The following KCNH1 variants were observed in gnomAD, a reference collection of about 807,000 sequenced individuals.
KCNH1 encodes voltage-gated delayed rectifier potassium channel KCNH1.
In KCNH1, 27 loss-of-function variants were observed where a neutral mutation model predicts 69.2. The observed-to-expected ratio is 0.39, with a 90% CI of 0.29 to 0.54. The LOEUF (loss-of-function observed/expected upper bound fraction) is 0.54. Among genes scored for constraint, KCNH1 ranks in the 20% least tolerant of loss-of-function variants. The pLI, the probability that KCNH1 is intolerant of heterozygous loss-of-function variation, is 0.68. For missense variants in KCNH1, 798 were observed against 1,261.6 expected (o/e 0.63, Z 5.57); for synonymous variants, 456 against 487.7 (o/e 0.93, Z 0.86).
At chr1:210,713,287 G>C (rs965003259) in intron 10 of KCNH1, among the ~76,000 whole-genome samples, 3 of 152,176 alleles carry the variant, frequency 2.0e-5, no homozygotes, top group Non-Finnish European at 4.4e-5. Flanking sequence ...TCTGAGTCTG[G>C]TAAAGGCCAA....
chr1:210,989,703 G>T (rs1460273984), intron 6 of KCNH1, among the ~76,000 whole-genome samples: 3 of 152,194 alleles, frequency 2.0e-5, no homozygotes, highest in African/African-American at 7.2e-5. Context: ...AGATTCAAAT[G>T]CAGTGAAAAC....
intron 9 of KCNH1, among the ~76,000 whole-genome samples, chr1:210,783,102 A>G (rs1162622980): frequency 6.6e-6 from 1 of 152,222 alleles, no homozygotes; most frequent in African/African-American, 2.4e-5. Flanking sequence ...AATCTTCCCA[A>G]CAGCACTGTG....
chr1:210,967,231 G>A (rs1188978855), intron 6 of KCNH1, among the ~76,000 whole-genome samples: 1 of 152,082 alleles, frequency 6.6e-6, no homozygotes, highest in Non-Finnish European at 1.5e-5. Context: ...TAGATCATGG[G>A]CTGATGGGTG....
chr1:210,976,834 A>G (rs1688621831), intron 6 of KCNH1, among the ~76,000 whole-genome samples: 1 of 148,820 alleles, frequency 6.7e-6, no homozygotes, highest in Non-Finnish European at 1.5e-5. Flanking sequence ...GTGGAGAAAT[A>G]GGAACACTTT....
chr1:210,989,369 G>A (rs1287019694), intron 6 of KCNH1, among the ~76,000 whole-genome samples: 2 of 152,162 alleles, frequency 1.3e-5, no homozygotes, highest in East Asian at 3.9e-4. Context: ...GAGTTTTCTT[G>A]TTATAGCCAC....
chr1:211,019,800 A>G (rs540496491), intron 5 of KCNH1, among the ~76,000 whole-genome samples: 1 of 152,366 alleles, frequency 6.6e-6, no homozygotes, highest in Admixed American at 6.5e-5. Context: ...ATTCATATCA[A>G]GAATCTTTCC....
chr1:211,006,251 A>C (rs1197256800), intron 6 of KCNH1, among the ~76,000 whole-genome samples: 2 of 152,194 alleles, frequency 1.3e-5, no homozygotes, highest in Non-Finnish European at 2.9e-5. Flanking sequence ...TTTCTAACAG[A>C]AATCAGGGTA....
At chr1:210,764,432 A>G (rs2102355484) in intron 10 of KCNH1, among the ~76,000 whole-genome samples, 1 of 152,214 alleles carries the variant, frequency 6.6e-6, no homozygotes, top group East Asian at 1.9e-4. Flanking sequence ...TAAACAGACA[A>G]TCTACTGGAT....
chr1:211,093,349 G>A lies in KCNH1; in HGVS notation c.311-2659C>T, dbSNP rs553081042. On this transcript the variant is annotated intron_variant, in intron 3 of 10. Coordinates refer to ENST00000271751, the MANE Select transcript of KCNH1 (RefSeq NM_172362.3). ...TGTCTCTCTGTCACCCAGGCTGCAC[G>A]ATCTCGGCTCACTGCAACCTCCACA... Among the ~76,000 whole-genome samples the A allele has an allele frequency of 7.2e-5, 11 of 152,266 alleles. No individual in the cohort carries two copies. In the South Asian group the frequency reaches 1.9e-3, roughly 26 times the overall value.
intron 10 of KCNH1, among the ~76,000 whole-genome samples, chr1:210,708,833 T>C (rs1013396477): frequency 6.6e-6 from 1 of 152,106 alleles, no homozygotes; most frequent in Non-Finnish European, 1.5e-5. Flanking sequence ...AGACCCTAAC[T>C]CCTCCAACCA....
At chr1:211,064,582 C>A (rs892564435) in intron 5 of KCNH1, among the ~76,000 whole-genome samples, 3 of 151,592 alleles carry the variant, frequency 2.0e-5, no homozygotes, top group African/African-American at 7.3e-5. Flanking sequence ...AAAAATCAAG[C>A]GAATTTTAAA....
At chr1:210,924,922 G>T (rs985033887) in intron 6 of KCNH1, among the ~76,000 whole-genome samples, 1 of 151,052 alleles carries the variant, frequency 6.6e-6, no homozygotes, top group African/African-American at 2.4e-5. Context: ...AAAAAAATTT[G>T]GAGACTACAC....
At chr1:211,093,769 A>G (rs185393477) in intron 3 of KCNH1, among the ~76,000 whole-genome samples, 1 of 152,340 alleles carries the variant, frequency 6.6e-6, no homozygotes, top group African/African-American at 2.4e-5. Context: ...GTGGAAGAAC[A>G]TCTTTCAGTG....
At chr1:211,010,613 T>C (rs755352235) in intron 6 of KCNH1, among the ~76,000 whole-genome samples, 1 of 152,108 alleles carries the variant, frequency 6.6e-6, no homozygotes, top group South Asian at 2.1e-4. Context: ...CTAAACCTAG[T>C]CATCTCTGCC....
intron 5 of KCNH1, among the ~76,000 whole-genome samples, chr1:211,077,706 G>C (rs890074272): frequency 6.6e-6 from 1 of 152,018 alleles, no homozygotes. Context: ...TCAACTAACG[G>C]ACAAAATAAC....
At chr1:211,043,637 A>G (rs554446476) in intron 5 of KCNH1, among the ~76,000 whole-genome samples, 21 of 152,284 alleles carry the variant, frequency 1.4e-4, no homozygotes, top group East Asian at 3.9e-4. Flanking sequence ...GACATAACCA[A>G]AAAAGACTAC....
intron 7 of KCNH1, among the ~76,000 whole-genome samples, chr1:210,879,778 G>C (rs1026583159): frequency 2.6e-5 from 4 of 151,944 alleles, no homozygotes; most frequent in Middle Eastern, 3.4e-3. Context: ...GGAAATACAA[G>C]GTATAAAGAT....
chr1:210,856,560 C>G (rs957376541), intron 7 of KCNH1, among the ~76,000 whole-genome samples: 5 of 151,618 alleles, frequency 3.3e-5, no homozygotes, highest in Non-Finnish European at 5.9e-5. Context: ...CCAGCTCTGT[C>G]TCTGCCATGT....
At chr1:210,905,511 C>T (rs1342310848) in intron 7 of KCNH1, among the ~76,000 whole-genome samples, 1 of 152,148 alleles carries the variant, frequency 6.6e-6, no homozygotes, top group Non-Finnish European at 1.5e-5. Context: ...AGCATTGGTT[C>T]CAGAGAGTGA....
Sources: gnomAD v4.1 joint callset for allele counts (sites outside exome capture counted in the v4.1 genomes callset) on GRCh38, gnomAD v4.1.1 for gene constraint, MANE v1.5 for transcripts, NCBI Gene and HGNC (gene_info 2026-07-23, HGNC 2026-07-21) for gene names.